ZSWIM6: variants seen among roughly 807,000 people sequenced by gnomAD.
The protein encoded by ZSWIM6 is zinc finger SWIM domain-containing protein 6.
In ZSWIM6, 9 loss-of-function variants were observed where a neutral mutation model predicts 113.2. The observed-to-expected ratio is 0.08, with a 90% CI of 0.05 to 0.14. ZSWIM6 has a LOEUF of 0.14. Ranked by LOEUF, ZSWIM6 falls within the 10% of genes least tolerant of loss-of-function variation. The probability of loss-of-function intolerance (pLI) is 1.00; values close to 1 mark genes in which losing one functional copy is unlikely to be tolerated. For missense variants in ZSWIM6, 1,162 were observed against 1,552.2 expected (o/e 0.75, Z 4.22); for synonymous variants, 611 against 606.5 (o/e 1.01, Z -0.11).
chr5:61,433,716 C>T (rs930286576), intron 1 of ZSWIM6, among the ~76,000 whole-genome samples: 1 of 152,014 alleles, frequency 6.6e-6, no homozygotes, highest in African/African-American at 2.4e-5. Context: ...TCAGGTGATC[C>T]ACCTGCCTCG....
chr5:61,443,369 GA>G (rs1378463384), intron 1 of ZSWIM6, among the ~76,000 whole-genome samples: 1 of 152,076 alleles, frequency 6.6e-6, no homozygotes, highest in African/African-American at 2.4e-5. Context: ...TTCAATTCTG[GA>G]ATACATACTC....
intron 1 of ZSWIM6, among the ~76,000 whole-genome samples, chr5:61,406,141 T>G (rs567590533): frequency 6.6e-6 from 1 of 152,216 alleles, no homozygotes; most frequent in Non-Finnish European, 1.5e-5. Flanking sequence ...CTTTGAACTT[T>G]ATGTCTGCAG....
chr5:61,370,956 A>G (rs1182681625), intron 1 of ZSWIM6, among the ~76,000 whole-genome samples: 2 of 152,130 alleles, frequency 1.3e-5, no homozygotes, highest in African/African-American at 2.4e-5. Flanking sequence ...TAGTTTGTGA[A>G]CTTTACTCCT....
At chr5:61,520,885 G>T (rs1344239911) in intron 4 of ZSWIM6, among the ~76,000 whole-genome samples, 1 of 151,950 alleles carries the variant, frequency 6.6e-6, no homozygotes, top group Non-Finnish European at 1.5e-5. Flanking sequence ...TATGTTATTG[G>T]CATTTTTGTC....
intron 1 of ZSWIM6, among the ~76,000 whole-genome samples, chr5:61,335,580 TGTTTCA>T (rs769948819): frequency 7.2e-5 from 11 of 152,270 alleles, no homozygotes; most frequent in Non-Finnish European, 1.2e-4. Flanking sequence ...CGCTTTTGTT[TGTTTCA>T]GTTTCTTAAA....
chr5:61,333,398 C>T (rs1053775257), intron 1 of ZSWIM6, among the ~76,000 whole-genome samples: 9 of 151,870 alleles, frequency 5.9e-5, no homozygotes, highest in African/African-American at 1.7e-4. Flanking sequence ...CCCGGCCGCT[C>T]GGCGCTCCCC....
At position 61,383,136 on chromosome 5, in the gene ZSWIM6, A is replaced by T. The variant is rs1745519559; in HGVS notation, c.676+50188A>T. ...CAGTGATCATCTTACTTGAAAATGT[A>T]ACTTACATACTTTTAAAAAATAAGT... On this transcript the variant is annotated intron_variant, in intron 1 of 13. Coordinates refer to ENST00000252744, the MANE Select transcript of ZSWIM6 (RefSeq NM_020928.2). 2.0e-5 allele frequency among the ~76,000 whole-genome samples: 3 copies of T among 152,234 alleles called. No homozygotes were observed. The South Asian group carries it at 6.2e-4, about 31-fold the overall frequency.
At chr5:61,487,635 AT>A (rs754781928) in intron 2 of ZSWIM6, among the ~76,000 whole-genome samples, 1 of 151,548 alleles carries the variant, frequency 6.6e-6, no homozygotes, top group South Asian at 2.1e-4. Flanking sequence ...TAAGTATTTT[AT>A]TTTGTTTTTT....
At chr5:61,386,318 T>A (rs911675421) in intron 1 of ZSWIM6, among the ~76,000 whole-genome samples, 41 of 152,230 alleles carry the variant, frequency 2.7e-4, no homozygotes, top group African/African-American at 9.6e-4. Flanking sequence ...CCTTGTTAGT[T>A]TTTTTCTCTC....
intron 3 of ZSWIM6, 114 bp from the exon 4 acceptor site, chr5:61,494,146 G>GGAGA: frequency 1.5e-6 from 1 of 653,950 alleles, no homozygotes; most frequent in Non-Finnish European, 2.2e-6. Context: ...ACACACACAC[G>GGAGA]GAGAGAGAGA....
intron 1 of ZSWIM6, among the ~76,000 whole-genome samples, chr5:61,443,641 G>T (rs1746884640): frequency 6.6e-6 from 1 of 152,240 alleles, no homozygotes; most frequent in Admixed American, 6.5e-5. Context: ...CCATAAAATA[G>T]TCATTGATTT....
intron 1 of ZSWIM6, among the ~76,000 whole-genome samples, chr5:61,434,167 TTA>T: frequency 6.8e-6 from 1 of 147,452 alleles, no homozygotes; most frequent in South Asian, 2.1e-4. Flanking sequence ...AATATATGTA[TTA>T]TATATACTAT....
chr5:61,350,931 T>G (rs1026312022), intron 1 of ZSWIM6, among the ~76,000 whole-genome samples: 1 of 152,240 alleles, frequency 6.6e-6, no homozygotes, highest in African/African-American at 2.4e-5. Flanking sequence ...TACACATCAC[T>G]CCAGTTTTAC....
intron 4 of ZSWIM6, among the ~76,000 whole-genome samples, chr5:61,494,743 T>C (rs1463150031): frequency 4.6e-5 from 7 of 152,198 alleles, no homozygotes; most frequent in Non-Finnish European, 1.0e-4. Context: ...AGATTAATAT[T>C]GTAATTGATT....
At chr5:61,338,588 G>A (rs1306338068) in intron 1 of ZSWIM6, among the ~76,000 whole-genome samples, 2 of 152,084 alleles carry the variant, frequency 1.3e-5, no homozygotes, top group African/African-American at 4.8e-5. Context: ...TTCAGTTTTA[G>A]GAATACTTGG....
chr5:61,458,877 C>CAA (rs1168251581), intron 1 of ZSWIM6, among the ~76,000 whole-genome samples: 2 of 76,542 alleles, frequency 2.6e-5, no homozygotes, highest in Admixed American at 1.5e-4. Flanking sequence ...GATTCCTTCT[C>CAA]AAAAAAAAAA....
At chr5:61,425,544 C>CA (rs1203042217) in intron 1 of ZSWIM6, among the ~76,000 whole-genome samples, 5 of 152,070 alleles carry the variant, frequency 3.3e-5, no homozygotes, top group African/African-American at 1.2e-4. Context: ...TAGGGAAACT[C>CA]ACAAAAAGAG....
intron 5 of ZSWIM6, among the ~76,000 whole-genome samples, chr5:61,521,721 A>C (rs771869928): frequency 6.6e-6 from 1 of 152,180 alleles, no homozygotes; most frequent in Non-Finnish European, 1.5e-5. Flanking sequence ...TTAATGATTT[A>C]TTATGGACAT....
chr5:61,510,419 T>A (rs1031322997), intron 4 of ZSWIM6, among the ~76,000 whole-genome samples: 4 of 152,018 alleles, frequency 2.6e-5, no homozygotes, highest in African/African-American at 7.2e-5. Context: ...TCTTCCCACA[T>A]TCTCTGACTG....
Sources: gnomAD v4.1 joint callset for allele counts (sites outside exome capture counted in the v4.1 genomes callset) on GRCh38, gnomAD v4.1.1 for gene constraint, MANE v1.5 for transcripts, NCBI Gene and HGNC (gene_info 2026-07-23, HGNC 2026-07-21) for gene names.